RALGAPA1: variants seen among roughly 807,000 people sequenced by gnomAD.
RALGAPA1 encodes ral GTPase-activating protein subunit alpha-1.
In RALGAPA1, 52 loss-of-function variants were observed where a neutral mutation model predicts 269.6. That is an observed-to-expected ratio of 0.19 (90% confidence interval 0.15 to 0.24). The LOEUF is 0.24. Ranked by LOEUF, RALGAPA1 falls within the 10% of genes least tolerant of loss-of-function variation. RALGAPA1 has a pLI of 1.00. For missense variants in RALGAPA1, 1,917 were observed against 3,013.9 expected (o/e 0.64, Z 8.52); for synonymous variants, 817 against 1,008.3 (o/e 0.81, Z 3.60).
At chr14:35,771,546 A>G (rs1350945905) in intron 3 of RALGAPA1, among the ~76,000 whole-genome samples, 5 of 152,220 alleles carry the variant, frequency 3.3e-5, no homozygotes, top group Admixed American at 3.3e-4. Flanking sequence ...CAGTACTTAG[A>G]ACAAGAAATT....
chr14:35,635,452 A>G lies in RALGAPA1; in HGVS notation c.5811+12T>C. 3 of 1,577,864 alleles carry G rather than the reference A, an allele frequency of 1.9e-6. No homozygotes were observed. Among genetic ancestry groups the G allele is most frequent in the Non-Finnish European group, 2.6e-6 (3 of 1,165,530 alleles). ...TTGGTTACCAAATAAATAATAAAGCAAGGAAGTTTACCTTATAAATGCAAT... is the reference window on the plus strand; with the variant it reads ...TTGGTTACCAAATAAATAATAAAGCGAGGAAGTTTACCTTATAAATGCAAT... On this transcript the variant is annotated intron_variant, in intron 32 of 41. Coordinates refer to ENST00000680220, the MANE Select transcript of RALGAPA1 (RefSeq NM_001346249.2).
intron 31 of RALGAPA1, among the ~76,000 whole-genome samples, chr14:35,646,566 G>A (rs2062449426): frequency 6.6e-6 from 1 of 152,092 alleles, no homozygotes; most frequent in African/African-American, 2.4e-5. Flanking sequence ...AAATGTCAAG[G>A]TCAAGAAATA....
At chr14:35,572,016 A>G (rs143464771) in intron 38 of RALGAPA1, among the ~76,000 whole-genome samples, 3 of 152,348 alleles carry the variant, frequency 2.0e-5, no homozygotes, top group African/African-American at 7.2e-5. Context: ...CCAAACTTTT[A>G]TTATCCTGGA....
At chr14:35,733,122 GA>G (rs1378911893) in intron 12 of RALGAPA1, among the ~76,000 whole-genome samples, 5 of 152,160 alleles carry the variant, frequency 3.3e-5, no homozygotes, top group Admixed American at 6.5e-5. Flanking sequence ...CAAATATATG[GA>G]AATTAAATAA....
chr14:35,797,118 G>C (rs2076622150), intron 1 of RALGAPA1, among the ~76,000 whole-genome samples: 1 of 152,038 alleles, frequency 6.6e-6, no homozygotes, highest in African/African-American at 2.4e-5. Context: ...ACTCTGGGAG[G>C]CCGAGGCAGG....
At chr14:35,710,862 C>T (rs1221199136) in intron 16 of RALGAPA1, among the ~76,000 whole-genome samples, 1 of 152,126 alleles carries the variant, frequency 6.6e-6, no homozygotes, top group Non-Finnish European at 1.5e-5. Context: ...TTACATATTG[C>T]ACACGTTTGC....
intron 35 of RALGAPA1, among the ~76,000 whole-genome samples, chr14:35,615,845 T>C (rs1249935103): frequency 6.6e-6 from 1 of 152,156 alleles, no homozygotes. Context: ...GGTTGAGCTC[T>C]AGACTGAAGA....
intron 21 of RALGAPA1, among the ~76,000 whole-genome samples, chr14:35,682,527 C>T (rs775166894): frequency 2.0e-5 from 3 of 152,052 alleles, no homozygotes; most frequent in Non-Finnish European, 1.5e-5. Flanking sequence ...AGGATGGTCT[C>T]GATCTCCTGA....
At chr14:35,724,661 C>T (rs528461049) in intron 14 of RALGAPA1, among the ~76,000 whole-genome samples, 4 of 152,174 alleles carry the variant, frequency 2.6e-5, no homozygotes, top group East Asian at 1.9e-4. Context: ...CCCAGAGATA[C>T]GGAAACTCAT....
chr14:35,798,544 A>C (rs1258599811), intron 1 of RALGAPA1, among the ~76,000 whole-genome samples: 1 of 152,200 alleles, frequency 6.6e-6, no homozygotes, highest in African/African-American at 2.4e-5. Context: ...CGAATATCCT[A>C]AATACCTTGA....
chr14:35,795,389 T>C (rs940507972), intron 1 of RALGAPA1, among the ~76,000 whole-genome samples: 1 of 151,992 alleles, frequency 6.6e-6, no homozygotes, highest in Non-Finnish European at 1.5e-5. Context: ...ATGATGATAG[T>C]ATACTTATGA....
At chr14:35,786,740 G>C (rs576336737) in intron 1 of RALGAPA1, among the ~76,000 whole-genome samples, 1 of 152,030 alleles carries the variant, frequency 6.6e-6, no homozygotes, top group Non-Finnish European at 1.5e-5. Flanking sequence ...TTTTAAGGTC[G>C]AGGCCTAATA....
intron 16 of RALGAPA1, among the ~76,000 whole-genome samples, chr14:35,716,923 A>C (rs1241078308): frequency 1.3e-5 from 2 of 152,194 alleles, no homozygotes; most frequent in African/African-American, 4.8e-5. Flanking sequence ...TACCCTTTGC[A>C]AATATAAATA....
chr14:35,583,530 C>T (rs1158501263), intron 37 of RALGAPA1, among the ~76,000 whole-genome samples: 3 of 152,102 alleles, frequency 2.0e-5, no homozygotes, highest in Non-Finnish European at 4.4e-5. Flanking sequence ...GAAAAAGGAA[C>T]AGAAGCAATA....
chr14:35,626,200 T>C (rs1181363847), intron 34 of RALGAPA1, among the ~76,000 whole-genome samples: 1 of 152,200 alleles, frequency 6.6e-6, no homozygotes, highest in Non-Finnish European at 1.5e-5. Context: ...GAGGCTTTCC[T>C]ATAAGGCAGA....
At chr14:35,701,265 TA>T (rs968200033) in intron 16 of RALGAPA1, among the ~76,000 whole-genome samples, 1 of 152,212 alleles carries the variant, frequency 6.6e-6, no homozygotes, top group African/African-American at 2.4e-5. Context: ...ATCAAGGACT[TA>T]AAAGAAACAA....
At chr14:35,799,458 A>G (rs1004311006) in intron 1 of RALGAPA1, among the ~76,000 whole-genome samples, 1 of 152,074 alleles carries the variant, frequency 6.6e-6, no homozygotes, top group African/African-American at 2.4e-5. Context: ...GCTACTTGGG[A>G]AGCTGAGGCA....
At chr14:35,788,312 TAAGC>T in intron 1 of RALGAPA1, among the ~76,000 whole-genome samples, 1 of 152,272 alleles carries the variant, frequency 6.6e-6, no homozygotes, top group East Asian at 1.9e-4. Context: ...TTCTTAACAT[TAAGC>T]AAGTCACAAC....
chr14:35,682,528 G>C (rs149011376), intron 21 of RALGAPA1, among the ~76,000 whole-genome samples: 566 of 152,112 alleles, frequency 3.7e-3, no homozygotes, highest in Middle Eastern at 6.8e-3. Flanking sequence ...GGATGGTCTC[G>C]ATCTCCTGAC....
Sources: allele counts gnomAD v4.1 joint callset (sites outside exome capture counted in the v4.1 genomes callset), GRCh38; gene constraint gnomAD v4.1.1; transcripts MANE v1.5; gene names NCBI Gene and HGNC (gene_info 2026-07-23, HGNC 2026-07-21).